EFL1: variants seen among roughly 807,000 people sequenced by gnomAD.
EFL1 encodes elongation factor-like GTPase 1.
In EFL1, 76 loss-of-function variants were observed where a neutral mutation model predicts 126.7. The observed-to-expected ratio is 0.60, with a 90% CI of 0.50 to 0.73. EFL1 has a LOEUF of 0.73. Among genes scored for constraint, EFL1 ranks in the 30% least tolerant of loss-of-function variants. The probability of loss-of-function intolerance (pLI) is 0.00; values close to 1 mark genes in which losing one functional copy is unlikely to be tolerated. For synonymous variants in EFL1, 410 were observed against 448.4 expected (o/e 0.91, Z 1.08); for missense variants, 1,128 against 1,343.2 (o/e 0.84, Z 2.50).
At chr15:82,164,594 T>A (rs1292320089) in intron 15 of EFL1, among the ~76,000 whole-genome samples, 1 of 152,136 alleles carries the variant, frequency 6.6e-6, no homozygotes, top group Non-Finnish European at 1.5e-5. Flanking sequence ...GCAAAAAGAA[T>A]GTCTTAGAAA....
intron 15 of EFL1, among the ~76,000 whole-genome samples, chr15:82,179,757 C>T (rs2074230524): frequency 7.0e-6 from 1 of 143,334 alleles, no homozygotes; most frequent in Non-Finnish European, 1.5e-5. Context: ...GTTGGACTAA[C>T]TGGTGGGGAC....
chr15:82,205,564 AC>A (rs2074516144), intron 15 of EFL1, among the ~76,000 whole-genome samples: 1 of 152,124 alleles, frequency 6.6e-6, no homozygotes, highest in Non-Finnish European at 1.5e-5. Context: ...ACACACAAAC[AC>A]ACTCCTTTGA....
Position 82,240,441 on chromosome 15 carries a change from G to C in EFL1, c.493C>G (p.His165Asp), listed in dbSNP as rs1167921511. ...ACCTGTTCTAAAATATTCTTGAGGT[G>C]AGAATAGGCCTCTTGTGGGGTGAAT... ...LKFTPQEAYS[H>D]LKNILEQINA... The change falls in exon 6 of 20, where the codon CAC (histidine) becomes GAC (aspartate). Residue 165 changes from histidine to aspartate, a missense_variant. Transcript: ENST00000268206. The C allele has an allele frequency of 3.7e-6, 6 of 1,609,382 alleles. No homozygotes were observed. The highest frequency in any genetic ancestry group is 4.2e-6 in the Non-Finnish European group (5 of 1,177,504).
At chr15:82,169,748 C>T (rs1452829767) in intron 15 of EFL1, among the ~76,000 whole-genome samples, 1 of 152,050 alleles carries the variant, frequency 6.6e-6, no homozygotes, top group Non-Finnish European at 1.5e-5. Flanking sequence ...GGAAGCTGTG[C>T]TTTCAAATAA....
intron 15 of EFL1, among the ~76,000 whole-genome samples, chr15:82,204,450 T>C (rs867380309): frequency 1.3e-5 from 2 of 152,204 alleles, no homozygotes; most frequent in Non-Finnish European, 2.9e-5. Context: ...AATCAGACTA[T>C]ATCAATTTAT....
At chr15:82,199,027 AT>A (rs1399621122) in intron 15 of EFL1, among the ~76,000 whole-genome samples, 2 of 152,176 alleles carry the variant, frequency 1.3e-5, no homozygotes, top group Non-Finnish European at 2.9e-5. Context: ...AGTTCACTGC[AT>A]TAAAAAAAAA....
intron 18 of EFL1, among the ~76,000 whole-genome samples, chr15:82,150,929 T>A (rs1327801834): frequency 1.3e-5 from 2 of 152,204 alleles, no homozygotes; most frequent in Admixed American, 1.3e-4. Context: ...GACCTCTCAT[T>A]ACGGAAAGGA....
intron 9 of EFL1, 110 bp downstream of exon 9, chr15:82,228,924 G>A (rs1304034355): frequency 4.4e-6 from 4 of 914,564 alleles, no homozygotes; most frequent in Non-Finnish European, 4.9e-6. Flanking sequence ...TAGAAGCTCT[G>A]TTCATTTTCT....
intron 15 of EFL1, among the ~76,000 whole-genome samples, chr15:82,170,106 CTTTTTTTTTTTT>C (rs760955432): frequency 1.5e-4 from 12 of 78,880 alleles, no homozygotes; most frequent in South Asian, 6.0e-4. Flanking sequence ...CACTGGATGT[CTTTTTTTTTTTT>C]TTTTTTTTTT....
At chr15:82,253,918 A>AT (rs2075045571) in intron 3 of EFL1, among the ~76,000 whole-genome samples, 1 of 152,064 alleles carries the variant, frequency 6.6e-6, no homozygotes, top group Admixed American at 6.6e-5. Flanking sequence ...CTCCAGAATG[A>AT]TTTTCCCTTA....
At position 82,219,775 on chromosome 15, in the gene EFL1, G is replaced by C; in HGVS notation, c.1488C>G (p.Leu496=). The C allele has an allele frequency of 6.2e-7, 1 of 1,613,932 alleles. No individual in the cohort carries two copies. The highest frequency in any genetic ancestry group is 8.5e-7 in the Non-Finnish European group (1 of 1,179,960). ...AAGACTCTTGGTTGTTTTCTTCCTG[G>C]AGCACAGGTTTAGGGGTCATACTTT... ...QVESMTPKPV[L]QEENNQESFI... The change falls in exon 14 of 20, where the codon CTC becomes CTG. Residue 496 remains leucine, a synonymous_variant. Coordinates refer to ENST00000268206, the MANE Select transcript of EFL1 (RefSeq NM_024580.6).
At chr15:82,211,592 C>CACACACACACACA (rs1567064834) in intron 15 of EFL1, among the ~76,000 whole-genome samples, 1 of 60,106 alleles carries the variant, frequency 1.7e-5, no homozygotes, top group Non-Finnish European at 3.1e-5. Flanking sequence ...TAGACACATA[C>CACACACACACACA]TAGACACACA....
chr15:82,195,013 C>T (rs573577105), intron 15 of EFL1, among the ~76,000 whole-genome samples: 4 of 152,054 alleles, frequency 2.6e-5, no homozygotes, highest in African/African-American at 7.2e-5. Context: ...TATCACGTAG[C>T]GTTCAATATC....
At chr15:82,131,168 T>C (rs1368668183) in intron 19 of EFL1, among the ~76,000 whole-genome samples, 1 of 152,224 alleles carries the variant, frequency 6.6e-6, no homozygotes, top group Admixed American at 6.5e-5. Context: ...CATAATATAA[T>C]TTTTAAAAGC....
intron 12 of EFL1, among the ~76,000 whole-genome samples, chr15:82,221,266 C>T (rs896843285): frequency 3.9e-5 from 6 of 152,140 alleles, no homozygotes; most frequent in Admixed American, 1.3e-4. Flanking sequence ...AGACTTCACA[C>T]CTAACTGATA....
rs188699766 is a variant in EFL1 at position 82,155,869 on chromosome 15, C to A, written c.2030+1844G>T. Among the ~76,000 whole-genome samples, 76 of 152,284 alleles carry A rather than the reference C, an allele frequency of 5.0e-4. 2 individuals are homozygous for A. In the East Asian group the frequency reaches 8.5e-3, roughly 17 times the overall value. On this transcript the variant is annotated intron_variant, in intron 17 of 19. Coordinates refer to ENST00000268206, the MANE Select transcript of EFL1 (RefSeq NM_024580.6). The stretch of plus-strand genomic sequence containing the variant: ...TTTCATGTTTATTGGCCTTTGGAAG[C>A]CTCTTTTATGAAGTACCTCTTCAAG...
intron 6 of EFL1, among the ~76,000 whole-genome samples, chr15:82,239,895 A>T (rs1224855287): frequency 6.6e-6 from 1 of 152,106 alleles, no homozygotes; most frequent in Non-Finnish European, 1.5e-5. Flanking sequence ...CTATGCTGTT[A>T]TATCACACCC....
At chr15:82,144,168 C>T (rs2141219370) in intron 18 of EFL1, among the ~76,000 whole-genome samples, 1 of 151,508 alleles carries the variant, frequency 6.6e-6, no homozygotes, top group Non-Finnish European at 1.5e-5. Context: ...GGGAGGAGCG[C>T]TTTGAGCCTA....
intron 15 of EFL1, among the ~76,000 whole-genome samples, chr15:82,210,155 A>C (rs2074568966): frequency 6.6e-6 from 1 of 152,236 alleles, no homozygotes; most frequent in African/African-American, 2.4e-5. Flanking sequence ...TGAGTCTGTT[A>C]AAATGCAAAA....
Sources: allele counts gnomAD v4.1 joint callset (sites outside exome capture counted in the v4.1 genomes callset), GRCh38; gene constraint gnomAD v4.1.1; transcripts MANE v1.5; gene names NCBI Gene and HGNC (gene_info 2026-07-23, HGNC 2026-07-21).